MDGA2: variants seen among roughly 807,000 people sequenced by gnomAD.
MDGA2 encodes the protein MAM domain-containing glycosylphosphatidylinositol anchor protein 2.
MDGA2 carries 40 observed loss-of-function variants against 117.8 expected under a neutral mutation model. That is an observed-to-expected ratio of 0.34 (90% CI 0.26 to 0.44). The LOEUF is 0.44. Among genes scored for constraint, MDGA2 ranks in the 20% least tolerant of loss-of-function variants. The pLI is 1.00. For missense variants in MDGA2, 1,123 were observed against 1,250.6 expected (o/e 0.90, Z 1.54); for synonymous variants, 452 against 439.0 (o/e 1.03, Z -0.37).
intron 1 of MDGA2, among the ~76,000 whole-genome samples, chr14:47,619,134 C>T (rs1897001442): frequency 7.5e-6 from 1 of 132,536 alleles, no homozygotes; most frequent in African/African-American, 2.5e-5. Context: ...CACACACACA[C>T]ACACACACAC....
intron 2 of MDGA2, among the ~76,000 whole-genome samples, chr14:47,295,443 C>A (rs902444474): frequency 1.3e-5 from 2 of 152,110 alleles, no homozygotes; most frequent in African/African-American, 2.4e-5. Context: ...CTACATATGA[C>A]CTCATTGCAA....
chr14:47,021,176 T>C (rs1539214), intron 8 of MDGA2, among the ~76,000 whole-genome samples: 54,343 of 151,968 alleles, frequency 0.36, 10,705 homozygotes, highest in East Asian at 0.59. Flanking sequence ...GAAGAAATAA[T>C]ATAGTAGTAT....
intron 1 of MDGA2, among the ~76,000 whole-genome samples, chr14:47,518,441 A>G (rs907334709): frequency 6.6e-6 from 1 of 152,044 alleles, no homozygotes; most frequent in Non-Finnish European, 1.5e-5. Flanking sequence ...AAACTGTTAT[A>G]AGATACTAAT....
At chr14:47,199,015 TA>T (rs1281146959) in intron 3 of MDGA2, among the ~76,000 whole-genome samples, 1 of 152,064 alleles carries the variant, frequency 6.6e-6, no homozygotes, top group African/African-American at 2.4e-5. Flanking sequence ...GATTGCAATA[TA>T]AAAACTCTGC....
chr14:47,457,928 C>G (rs1893393936), intron 1 of MDGA2, among the ~76,000 whole-genome samples: 1 of 150,288 alleles, frequency 6.7e-6, no homozygotes, highest in African/African-American at 2.4e-5. Flanking sequence ...CATTCTTCTT[C>G]CAAGTGGTTA....
chr14:47,431,528 GAT>G (rs1892799700), intron 1 of MDGA2, among the ~76,000 whole-genome samples: 1 of 151,958 alleles, frequency 6.6e-6, no homozygotes, highest in Non-Finnish European at 1.5e-5. Context: ...GTATTGTTAT[GAT>G]GGAAAAAGCA....
intron 1 of MDGA2, among the ~76,000 whole-genome samples, chr14:47,469,816 T>C (rs1330600536): frequency 6.6e-6 from 1 of 152,200 alleles, no homozygotes; most frequent in Non-Finnish European, 1.5e-5. Flanking sequence ...CCAGCACCTG[T>C]TGTTTCCTGA....
Position 46,910,680 on chromosome 14 carries a change from G to A in MDGA2, c.2238+9332C>T, listed in dbSNP as rs1595038388. ...TAAAGGACATTCAAATAGGTAGGAA[G>A]GAAGTCAAACTGTCAGACTTAATGA... On this transcript the variant is annotated intron_variant, in intron 10 of 16. Coordinates refer to ENST00000399232, the MANE Select transcript of MDGA2 (RefSeq NM_001113498.3). Among the ~76,000 whole-genome samples the A allele has an allele frequency of 2.0e-5, 3 of 152,262 alleles. No individual in the cohort carries two copies. In the South Asian group the frequency reaches 6.2e-4, roughly 32 times the overall value.
chr14:47,071,411 A>G (rs1890276906), intron 6 of MDGA2, among the ~76,000 whole-genome samples: 1 of 152,202 alleles, frequency 6.6e-6, no homozygotes. Context: ...CTCAAAACTA[A>G]ATAAATTTAA....
chr14:47,060,238 T>C (rs1889834874), intron 7 of MDGA2, among the ~76,000 whole-genome samples: 1 of 152,112 alleles, frequency 6.6e-6, no homozygotes, highest in South Asian at 2.1e-4. Flanking sequence ...CAAAGCACAA[T>C]TGTGCAAAGT....
chr14:47,201,839 C>A (rs1182937386), intron 3 of MDGA2, among the ~76,000 whole-genome samples: 2 of 152,146 alleles, frequency 1.3e-5, no homozygotes, highest in African/African-American at 4.8e-5. Flanking sequence ...CATCATTTAT[C>A]TTTCTTCCCA....
At chr14:46,986,774 T>C (rs527400835) in intron 8 of MDGA2, among the ~76,000 whole-genome samples, 2 of 152,230 alleles carry the variant, frequency 1.3e-5, no homozygotes, top group South Asian at 4.2e-4. Context: ...CTGATTTAAT[T>C]ATTGAAGTCA....
At position 47,306,337 on chromosome 14, in the gene MDGA2, G is replaced by A. The variant is rs140451838; in HGVS notation, c.281-4787C>T. Reference sequence around the variant, plus strand: ...CGCCATGGAACTCACATTACCCACCGTTGGGGGAATCTTGAGATGAGGGGC... The same window carrying A: ...CGCCATGGAACTCACATTACCCACCATTGGGGGAATCTTGAGATGAGGGGC... On this transcript the variant is annotated intron_variant, in intron 1 of 16. Coordinates refer to ENST00000399232, the MANE Select transcript of MDGA2 (RefSeq NM_001113498.3). Among the ~76,000 whole-genome samples, 8 of 152,144 alleles carry A rather than the reference G, an allele frequency of 5.3e-5. No individual in the cohort carries two copies. The South Asian group carries it at 8.3e-4, about 16-fold the overall frequency.
At position 47,307,747 on chromosome 14, in the gene MDGA2, G is replaced by A. The variant is rs1162558689; in HGVS notation, c.281-6197C>T. 2.6e-5 allele frequency among the ~76,000 whole-genome samples: 4 copies of A among 152,038 alleles called. No homozygotes were observed. In the East Asian group the frequency reaches 7.8e-4, roughly 29 times the overall value. ...TTTGAAGAAGAAGGTGGAGAATTCA[G>A]TTTTGGATGCTGATGGTGAGTTCAC... On this transcript the variant is annotated intron_variant, in intron 1 of 16. Transcript: ENST00000399232.
At chr14:46,923,670 G>C (rs1884218191) in intron 9 of MDGA2, among the ~76,000 whole-genome samples, 1 of 134,286 alleles carries the variant, frequency 7.4e-6, no homozygotes, top group Admixed American at 6.9e-5. Flanking sequence ...GCCTACTGTG[G>C]AAAAGCTTTA....
chr14:47,157,625 GT>G (rs1883449244), intron 3 of MDGA2, among the ~76,000 whole-genome samples: 1 of 132,440 alleles, frequency 7.6e-6, no homozygotes. Flanking sequence ...GTGTGTGTGT[GT>G]GTGTGTGTGT....
At chr14:46,968,694 G>A (rs1886134794) in intron 8 of MDGA2, among the ~76,000 whole-genome samples, 1 of 151,554 alleles carries the variant, frequency 6.6e-6, no homozygotes, top group Admixed American at 6.6e-5. Flanking sequence ...AAAATTAGTT[G>A]GGTATGGTGG....
At chr14:47,252,378 A>G (rs1887476266) in intron 2 of MDGA2, among the ~76,000 whole-genome samples, 1 of 152,198 alleles carries the variant, frequency 6.6e-6, no homozygotes, top group South Asian at 2.1e-4. Context: ...CACATAAAAT[A>G]TAATCATAAT....
At chr14:47,359,624 A>G (rs1193450196) in intron 1 of MDGA2, among the ~76,000 whole-genome samples, 1 of 151,060 alleles carries the variant, frequency 6.6e-6, no homozygotes, top group Non-Finnish European at 1.5e-5. Flanking sequence ...ATCTTTCACC[A>G]TACATAAAAA....
Sources: gnomAD v4.1 joint callset for allele counts (sites outside exome capture counted in the v4.1 genomes callset) on GRCh38, gnomAD v4.1.1 for gene constraint, MANE v1.5 for transcripts, NCBI Gene and HGNC (gene_info 2026-07-23, HGNC 2026-07-21) for gene names.